Variants in TPRG1 observed in about 807,000 individuals in gnomAD.
The protein encoded by TPRG1 is tumor protein p63-regulated gene 1 protein.
Under a neutral mutation model 29.3 loss-of-function variants are expected in TPRG1, and 29 were observed. The observed-to-expected ratio is 0.99, with a 90% CI of 0.74 to 1.35. The LOEUF is 1.35. Ranked by LOEUF, TPRG1 falls within the 40% of genes most tolerant of loss-of-function variation. The probability of loss-of-function intolerance (pLI) is 0.00; values close to 1 mark genes in which losing one functional copy is unlikely to be tolerated. For missense variants in TPRG1, 327 were observed against 335.0 expected, an observed-to-expected ratio of 0.98 and a Z score of 0.19; for synonymous variants, 130 against 116.8, an observed-to-expected ratio of 1.11 and a Z score of -0.73.
rs115463750 is a variant in TPRG1, at chr3:189,150,017, T to C, written c.-226-639T>C. Among the ~76,000 whole-genome samples, 468 of 152,366 alleles carry C rather than the reference T, an allele frequency of 3.1e-3. 2 individuals are homozygous for C. The highest frequency in any genetic ancestry group is 0.01 in the African/African-American group (434 of 41,592). On this transcript the variant is annotated intron_variant, in intron 4 of 6. Transcript: ENST00000412373. ...GGGCACACTGACCAGTGTCCTTTGA[T>C]GTACCCAGTGCCAAATTCGATAAAC... is the stretch of plus-strand genomic sequence containing the variant.
At chr3:189,173,532 G>T (rs921982409) in intron 1 of TPRG1, among the ~76,000 whole-genome samples, 2 of 151,462 alleles carry the variant, frequency 1.3e-5, no homozygotes, top group Non-Finnish European at 2.9e-5. Flanking sequence ...TAGAGACGGG[G>T]TTTCACCATG....
At chr3:189,310,858 A>T (rs985774819) in intron 5 of TPRG1, among the ~76,000 whole-genome samples, 3 of 152,086 alleles carry the variant, frequency 2.0e-5, no homozygotes, top group African/African-American at 7.2e-5. Flanking sequence ...TATTTTATTC[A>T]TGGAAGTGTG....
chr3:189,049,429 C>A (rs972364296), intron 4 of TPRG1, among the ~76,000 whole-genome samples: 48 of 152,170 alleles, frequency 3.2e-4, no homozygotes, highest in African/African-American at 1.2e-3. Flanking sequence ...CCATAGTCCT[C>A]CTAGGTACAC....
chr3:189,232,221 G>A (rs11925498), intron 3 of TPRG1, among the ~76,000 whole-genome samples: 79,681 of 151,860 alleles, frequency 0.52, 21,963 homozygotes, highest in African/African-American at 0.69. Flanking sequence ...GGGATACTCT[G>A]TCTGTCTTAT....
intron 1 of TPRG1, among the ~76,000 whole-genome samples, chr3:189,189,734 C>T (rs957482867): frequency 6.6e-6 from 1 of 152,200 alleles, no homozygotes; most frequent in African/African-American, 2.4e-5. Context: ...GCACATGAGG[C>T]CTCTCCTAAA....
At chr3:189,197,662 A>T (rs1732762141) in intron 1 of TPRG1, among the ~76,000 whole-genome samples, 1 of 152,240 alleles carries the variant, frequency 6.6e-6, no homozygotes, top group African/African-American at 2.4e-5. Context: ...GTTTATATTA[A>T]TAGCTAGCTA....
chr3:189,208,399 A>C (rs563457249), intron 2 of TPRG1, among the ~76,000 whole-genome samples: 9 of 152,144 alleles, frequency 5.9e-5, no homozygotes, highest in African/African-American at 2.2e-4. Context: ...TCTCATTTTC[A>C]TGTGTACGTG....
intron 4 of TPRG1, among the ~76,000 whole-genome samples, chr3:189,270,690 G>A (rs1308216041): frequency 6.6e-6 from 1 of 152,096 alleles, no homozygotes; most frequent in African/African-American, 2.4e-5. Flanking sequence ...CACTGTATTC[G>A]GCTCTTTAAA....
At chr3:189,191,740 A>T (rs145946544) in intron 1 of TPRG1, among the ~76,000 whole-genome samples, 1,594 of 152,250 alleles carry the variant, frequency 0.01, 33 homozygotes, top group African/African-American at 0.036. Flanking sequence ...TATTTTTAAG[A>T]CCTGGGCTCT....
intron 3 of TPRG1, among the ~76,000 whole-genome samples, chr3:189,021,771 G>A (rs1490481786): frequency 5.3e-5 from 8 of 152,126 alleles, no homozygotes; most frequent in South Asian, 2.1e-4. Context: ...GAATTTGAAC[G>A]TTGGCCTGCC....
intron 3 of TPRG1, among the ~76,000 whole-genome samples, chr3:189,229,006 A>C (rs1006971998): frequency 7.9e-5 from 12 of 152,236 alleles, no homozygotes; most frequent in Non-Finnish European, 1.6e-4. Flanking sequence ...TTAAAAATGC[A>C]ATAACACTTG....
intron 1 of TPRG1, among the ~76,000 whole-genome samples, chr3:188,999,466 T>TA (rs1478969324): frequency 6.6e-6 from 1 of 152,226 alleles, no homozygotes; most frequent in Non-Finnish European, 1.5e-5. Context: ...GTATGGACAG[T>TA]ATGCACAGGG....
At chr3:189,300,131 C>A (rs1282487826) in intron 4 of TPRG1, among the ~76,000 whole-genome samples, 9 of 152,288 alleles carry the variant, frequency 5.9e-5, no homozygotes, top group Admixed American at 2.0e-4. Flanking sequence ...GGCATAAATG[C>A]TTCTTTTCTT....
intron 4 of TPRG1, among the ~76,000 whole-genome samples, chr3:189,067,207 G>A (rs1716509644): frequency 6.6e-6 from 1 of 152,096 alleles, no homozygotes; most frequent in Admixed American, 6.5e-5. Context: ...CCATATTCAT[G>A]GATTGGAGGC....
chr3:189,087,192 C>T (rs746770667), intron 4 of TPRG1, among the ~76,000 whole-genome samples: 10 of 152,058 alleles, frequency 6.6e-5, no homozygotes, highest in African/African-American at 1.9e-4. Flanking sequence ...TTTTAATGAT[C>T]GCCATTCTAA....
In TPRG1 at chr3:189,163,045, G is replaced by A. The variant is rs867394223; in HGVS notation, c.-10+12173G>A. Among the ~76,000 whole-genome samples, 9 of 152,318 alleles carry A rather than the reference G, an allele frequency of 5.9e-5. No individual in the cohort carries two copies. In the South Asian group the frequency reaches 6.2e-4, roughly 11 times the overall value. On this transcript the variant is annotated intron_variant, in intron 5 of 6. Transcript: ENST00000412373. Reference sequence around the variant, plus strand: ...CCAGTACTTTAGGAGGCCCAGGCGGGTGGGTCACCTGAGGTCAGGAGTTCG... The same window carrying A: ...CCAGTACTTTAGGAGGCCCAGGCGGATGGGTCACCTGAGGTCAGGAGTTCG...
chr3:189,269,542 T>C (rs1196253122), intron 4 of TPRG1, among the ~76,000 whole-genome samples: 3 of 152,180 alleles, frequency 2.0e-5, no homozygotes, highest in Non-Finnish European at 2.9e-5. Context: ...AGAACTCATC[T>C]GGAGGAATGG....
At chr3:189,019,040 G>C (rs1202057546) in intron 3 of TPRG1, among the ~76,000 whole-genome samples, 1 of 151,950 alleles carries the variant, frequency 6.6e-6, no homozygotes, top group South Asian at 2.1e-4. Flanking sequence ...TTTGTCTGTT[G>C]TTGGTGTATA....
chr3:189,051,584 GAA>G (rs756267590), intron 4 of TPRG1, among the ~76,000 whole-genome samples: 1 of 151,086 alleles, frequency 6.6e-6, no homozygotes, highest in African/African-American at 2.4e-5. Flanking sequence ...CACAGAATTA[GAA>G]AAAAAAATTC....
Sources: gnomAD v4.1 joint callset for allele counts (sites outside exome capture counted in the v4.1 genomes callset) on GRCh38, gnomAD v4.1.1 for gene constraint, MANE v1.5 for transcripts, NCBI Gene and HGNC (gene_info 2026-07-23, HGNC 2026-07-21) for gene names.